Variants in SIDT2 observed in about 807,000 individuals in gnomAD.
SIDT2 encodes SID1 transmembrane family, member 2.
In SIDT2, 68 loss-of-function variants were observed where a neutral mutation model predicts 114.4. That is an observed-to-expected ratio of 0.59 (90% confidence interval 0.49 to 0.73). The LOEUF is 0.73. Ranked by LOEUF, SIDT2 falls within the 30% of genes least tolerant of loss-of-function variation. The pLI is 0.00. For synonymous variants in SIDT2, 470 were observed against 438.4 expected (o/e 1.07, Z -0.90); for missense variants, 918 against 1,097.1 (o/e 0.84, Z 2.31).
At position 117,196,174 on chromosome 11, in the gene SIDT2, A is replaced by G; in HGVS notation, c.*108A>G. 1 of 1,456,134 alleles carries G rather than the reference A, an allele frequency of 6.9e-7. No homozygotes were observed. Among genetic ancestry groups the G allele is most frequent in the Non-Finnish European group, 9.4e-7 (1 of 1,059,990 alleles). 90.2% of individuals were successfully genotyped at this position (1,456,134 alleles called of 1,614,324 possible). A position where few individuals can be genotyped will look rare whatever the true frequency, so the allele number is the denominator to read the frequency against. ...ATGAGTCCCAGCACCGCTGCCCAGC[A>G]CTGGATGGCAGCAGGACAGCCAGGT... On this transcript the variant is annotated 3_prime_UTR_variant, in exon 26 of 26. Transcript: ENST00000324225. The surrounding 1 kb of genome is among the most constrained non-coding windows in gnomAD (Gnocchi z 4.9).
chr11:117,195,546 G>T (rs2134263050), intron 24 of SIDT2, among the ~76,000 whole-genome samples: 1 of 152,336 alleles, frequency 6.6e-6, no homozygotes, highest in South Asian at 2.1e-4. Flanking sequence ...GTCAAGGGAA[G>T]AGAATCAGAA....
In SIDT2 at chr11:117,178,994, T is replaced by G; in HGVS notation, c.-270T>G. 2 of 499,982 alleles carry G rather than the reference T, an allele frequency of 4.0e-6. No individual in the cohort carries two copies. Among genetic ancestry groups the G allele is most frequent in the Non-Finnish European group, 7.2e-6 (2 of 278,960 alleles). The allele number at this position is 499,982 out of a possible 1,614,324, so 31.0% of individuals were successfully genotyped here. ...GGGGCTCCAGGGTCTCAGGTCGTAC[T>G]CAGCCCCTCGCGAGCTGGGACCCCT... On this transcript the variant is annotated 5_prime_UTR_variant, in exon 1 of 26. Transcript: ENST00000324225.
At chr11:117,189,137 A>G (rs778552517) in intron 13 of SIDT2, 32 bp from the exon 14 acceptor site, 4 of 1,609,172 alleles carry the variant, frequency 2.5e-6, no homozygotes, top group East Asian at 2.2e-5. Context: ...CCCAAGTAGC[A>G]GTAAGTGGGG....
rs937683376 is a variant in SIDT2 at position 117,190,749 on chromosome 11, G to T, written c.1735+9G>T. The T allele has an allele frequency of 3.1e-6, 5 of 1,607,222 alleles. No individual in the cohort carries two copies. In the African/African-American group the frequency reaches 6.7e-5, roughly 21 times the overall value. On this transcript the variant is annotated intron_variant, in intron 18 of 25. Transcript: ENST00000324225. This position sits in a 1 kb window ranked among gnomAD's most constrained non-coding sequence, Gnocchi z 4.1. ...TACCAATTTCCAGTTTGGTGAGTGGGGCGTCCTTCTTTTCTGGCTCAACCT... is the reference window on the plus strand; with the variant it reads ...TACCAATTTCCAGTTTGGTGAGTGGTGCGTCCTTCTTTTCTGGCTCAACCT...
chr11:117,179,209 C>G lies in SIDT2; in HGVS notation c.-55C>G. 6.4e-7 allele frequency: 1 copy of G among 1,567,750 alleles called. No homozygotes were observed. The highest frequency in any genetic ancestry group is 2.2e-5 in the East Asian group (1 of 44,560). On this transcript the variant is annotated 5_prime_UTR_variant, in exon 1 of 26. Transcript: ENST00000324225. Reference sequence around the variant, plus strand: ...GCAACCCGTCCCGGAGGTGTCCTGTCTCCTGTCGCCGCCGCCGCCGCCACC... The same window carrying G: ...GCAACCCGTCCCGGAGGTGTCCTGTGTCCTGTCGCCGCCGCCGCCGCCACC...
chr11:117,186,696 G>A, intron 10 of SIDT2, 60 bp downstream of exon 10: 1 of 1,487,750 alleles, frequency 6.7e-7, no homozygotes, highest in Non-Finnish European at 9.0e-7. Flanking sequence ...GGGGGGTGGT[G>A]GTGGATGGTT....
chr11:117,195,616 G>A (rs2030869054), intron 24 of SIDT2, among the ~76,000 whole-genome samples, 186 bp from the exon 25 acceptor site: 2 of 152,184 alleles, frequency 1.3e-5, no homozygotes, highest in African/African-American at 4.8e-5. Context: ...TCAGGGAGAA[G>A]TTTGTAACCA....
In SIDT2 at chr11:117,179,308, G is replaced by A; in HGVS notation, c.45G>A (p.Ser15=). Residue 15 remains serine (S), a synonymous_variant, in exon 1 of 26, where the codon TCG becomes TCA. Transcript: ENST00000324225. ...CCTTCTTGGTGCTCTTGGTGGCCTCGGTCGAGAGCCATCTGGGGGTTCTGG... is the reference window on the plus strand; with the variant it reads ...CCTTCTTGGTGCTCTTGGTGGCCTCAGTCGAGAGCCATCTGGGGGTTCTGG... ...GLPFLVLLVA[S]VESHLGVLGP... 1 of 1,614,112 alleles carries A rather than the reference G, an allele frequency of 6.2e-7. No individual in the cohort carries two copies. Among genetic ancestry groups the A allele is most frequent in the South Asian group, 1.1e-5 (1 of 91,078 alleles).
chr11:117,182,114 TC>T lies in SIDT2; in HGVS notation c.516+12del. Reference sequence around the variant, plus strand: ...CAGCAGCACAGCCCCAGGTAACATCTCCCTGTTGATTGCTCGAGAGGAGAAA... The same window carrying T: ...CAGCAGCACAGCCCCAGGTAACATCTCCTGTTGATTGCTCGAGAGGAGAAA... On this transcript the variant is annotated intron_variant, in intron 4 of 25. Coordinates refer to ENST00000324225, the MANE Select transcript of SIDT2 (RefSeq NM_001040455.2). 6.2e-7 allele frequency: 1 copy of T among 1,613,710 alleles called. No homozygotes were observed. The highest frequency in any genetic ancestry group is 8.5e-7 in the Non-Finnish European group (1 of 1,179,984).
chr11:117,181,681 C>T (rs1290094162), intron 2 of SIDT2, 126 bp from the exon 3 acceptor site: 22 of 1,567,464 alleles, frequency 1.4e-5, no homozygotes, highest in Middle Eastern at 1.8e-4. Context: ...TCCCACCAGC[C>T]GGGAGCTTGT....
chr11:117,190,526 TTTCCTC>T lies in SIDT2; in HGVS notation c.1618-92_1618-87del, dbSNP rs2030661852. 4 of 1,131,958 alleles carry T rather than the reference TTTCCTC, an allele frequency of 3.5e-6. No homozygotes were observed. Among genetic ancestry groups the T allele is most frequent in the Non-Finnish European group, 5.0e-6 (4 of 795,786 alleles). The allele number at this position is 1,131,958 out of a possible 1,614,324, so 70.1% of individuals were successfully genotyped here. A position where few individuals can be genotyped will look rare whatever the true frequency, so the allele number is the denominator to read the frequency against. On this transcript the variant is annotated intron_variant, in intron 17 of 25. Coordinates refer to ENST00000324225, the MANE Select transcript of SIDT2 (RefSeq NM_001040455.2). The surrounding 1 kb of genome is among the most constrained non-coding windows in gnomAD (Gnocchi z 4.1). ...CACACTCGACACATACCCCACCCCT[TTTCCTC>T]TTCCACTCCTCTTAGGGTCCCTCTT...
chr11:117,187,843 C>A, intron 12 of SIDT2, 144 bp downstream of exon 12: 1 of 792,082 alleles, frequency 1.3e-6, no homozygotes. Flanking sequence ...TTCCCTCATC[C>A]CCTCCTCCTT....
At position 117,179,250 on chromosome 11, in the gene SIDT2, G is replaced by A. The variant is rs200765530; in HGVS notation, c.-14G>A. The A allele has an allele frequency of 1.2e-4, 199 of 1,604,064 alleles. No homozygotes were observed. The highest frequency in any genetic ancestry group is 5.5e-4 in the Admixed American group (32 of 58,014). ...CGCCGCCACCACCGCTGCCACTGCC[G>A]CCCTGCCGGGGCCATGTTCGCTCTG... On this transcript the variant is annotated 5_prime_UTR_variant, in exon 1 of 26. Transcript: ENST00000324225.
chr11:117,190,108 C>G lies in SIDT2; in HGVS notation c.1494-58C>G. On this transcript the variant is annotated intron_variant, in intron 16 of 25. Coordinates refer to ENST00000324225, the MANE Select transcript of SIDT2 (RefSeq NM_001040455.2). The surrounding 1 kb of genome is among the most constrained non-coding windows in gnomAD (Gnocchi z 4.1). ...TGGGGCTTTGCAATGCCCACGTGGG[C>G]TAGGGAAGAGGCCTGGGTGTGAGTC... 6.2e-7 allele frequency: 1 copy of G among 1,611,970 alleles called. No individual in the cohort carries two copies. Among genetic ancestry groups the G allele is most frequent in the Non-Finnish European group, 8.5e-7 (1 of 1,178,656 alleles).
chr11:117,187,090 CG>C, intron 10 of SIDT2: 2 of 1,438,152 alleles, frequency 1.4e-6, no homozygotes, highest in Non-Finnish European at 1.9e-6. Flanking sequence ...GGCTCGTGGG[CG>C]GGCCAGTGTT....
rs957047703 is a variant in SIDT2, at chr11:117,178,943, C to T, written c.-321C>T. 3 of 263,034 alleles carry T rather than the reference C, an allele frequency of 1.1e-5. No homozygotes were observed. The highest frequency in any genetic ancestry group is 2.2e-5 in the Non-Finnish European group (3 of 138,358). 16.3% of individuals were successfully genotyped at this position (263,034 alleles called of 1,614,324 possible). On this transcript the variant is annotated 5_prime_UTR_variant, in exon 1 of 26. Coordinates refer to ENST00000324225, the MANE Select transcript of SIDT2 (RefSeq NM_001040455.2). ...CGTCTCCAGGCTCCCGGCAACCAGCCGCCCTCCTTCTCACGGCCCTGGCCC... is the reference window on the plus strand; with the variant it reads ...CGTCTCCAGGCTCCCGGCAACCAGCTGCCCTCCTTCTCACGGCCCTGGCCC...
In SIDT2 at chr11:117,189,097, T is replaced by C. The variant is rs1270318562; in HGVS notation, c.1279-72T>C. 2.0e-6 allele frequency: 3 copies of C among 1,498,480 alleles called. No homozygotes were observed. The Admixed American group carries it at 5.0e-5, about 25-fold the overall frequency. The allele number at this position is 1,498,480 out of a possible 1,614,324, so 92.8% of individuals were successfully genotyped here. ...CCCTGTGTGAGGGAGGCCCCTCTTG[T>C]CCACCTCTAACCTGGGGGAGGGGGC... On this transcript the variant is annotated intron_variant, in intron 13 of 25. Coordinates refer to ENST00000324225, the MANE Select transcript of SIDT2 (RefSeq NM_001040455.2).
At chr11:117,193,501 C>G (rs1230339177) in intron 23 of SIDT2, among the ~76,000 whole-genome samples, 1 of 152,200 alleles carries the variant, frequency 6.6e-6, no homozygotes, top group Non-Finnish European at 1.5e-5. Flanking sequence ...GTAAGTGCCC[C>G]TTTCCATGCA....
chr11:117,187,151 C>A, intron 10 of SIDT2: 1 of 1,202,932 alleles, frequency 8.3e-7, no homozygotes, highest in Non-Finnish European at 1.2e-6. Flanking sequence ...CTTTCTCTCT[C>A]CTTAGGGAAG....
Sources: allele counts gnomAD v4.1 joint callset (sites outside exome capture counted in the v4.1 genomes callset), GRCh38; gene constraint gnomAD v4.1.1; non-coding constraint Gnocchi (gnomAD v3.1); transcripts MANE v1.5; gene names NCBI Gene and HGNC (gene_info 2026-07-23, HGNC 2026-07-21).